The following OCLN variants were observed in gnomAD, a reference collection of about 807,000 sequenced individuals.
The protein encoded by OCLN is phosphatase 1, regulatory subunit 115.
In OCLN, 21 loss-of-function variants were observed where a neutral mutation model predicts 47.9. The observed-to-expected ratio is 0.44, with a 90% CI of 0.31 to 0.63. The LOEUF is 0.63. Among genes scored for constraint, OCLN ranks in the 30% least tolerant of loss-of-function variants. The pLI is 0.08. For synonymous variants in OCLN, 117 were observed against 198.4 expected, an observed-to-expected ratio of 0.59 and a Z score of 3.45; for missense variants, 360 against 571.0, an observed-to-expected ratio of 0.63 and a Z score of 3.77.
In OCLN at chr5:69,555,259, GTAT is replaced by G. The variant is rs1484116753; in HGVS notation, c.*1590_*1592del. 2 of 66,346 alleles carry G rather than the reference GTAT, an allele frequency of 3.0e-5. No individual in the cohort carries two copies. Among genetic ancestry groups the G allele is most frequent in the South Asian group, 4.7e-4 (1 of 2,144 alleles). The allele number at this position is 66,346 out of a possible 1,614,324, so 4.1% of individuals were successfully genotyped here. A position where few individuals can be genotyped will look rare whatever the true frequency, so the allele number is the denominator to read the frequency against. ...TAAGTGTGTGTGTGTGTGTGTGTGT[GTAT>G]TTTTTTTTTTTTTTTTTTGAGATGG... is the stretch of plus-strand genomic sequence containing the variant. On this transcript the variant is annotated 3_prime_UTR_variant, in exon 9 of 9. Transcript: ENST00000396442.
chr5:69,508,156 C>T lies in OCLN; in HGVS notation c.51-985C>T, dbSNP rs181085728. Among the ~76,000 whole-genome samples the T allele has an allele frequency of 2.0e-5, 3 of 152,198 alleles. No homozygotes were observed. In the East Asian group the frequency reaches 5.8e-4, roughly 29 times the overall value. On this transcript the variant is annotated intron_variant, in intron 2 of 8. Transcript: ENST00000396442. ...GTTCAAGGGATTCTTGATTTTCGTGCCTCAGCCTCCCAAGTAAGTGGGATT... is the reference window on the plus strand; with the variant it reads ...GTTCAAGGGATTCTTGATTTTCGTGTCTCAGCCTCCCAAGTAAGTGGGATT...
chr5:69,532,338 G>T (rs1048387136), intron 4 of OCLN, among the ~76,000 whole-genome samples: 1 of 152,054 alleles, frequency 6.6e-6, no homozygotes, highest in African/African-American at 2.4e-5. Context: ...AGTCTCAAGA[G>T]GTCTTCCCAT....
At chr5:69,499,157 C>A (rs1214082878) in intron 1 of OCLN, among the ~76,000 whole-genome samples, 1 of 152,136 alleles carries the variant, frequency 6.6e-6, no homozygotes, top group East Asian at 1.9e-4. Context: ...CCAGCCTCAA[C>A]TTCCTCTGCT....
chr5:69,528,162 C>A (rs1769333809), intron 4 of OCLN, among the ~76,000 whole-genome samples: 1 of 152,028 alleles, frequency 6.6e-6, no homozygotes, highest in African/African-American at 2.4e-5. Context: ...GGGGGAGTAT[C>A]TGAGGGTGTA....
At chr5:69,504,351 T>G (rs1301012810) in intron 2 of OCLN, 57 bp downstream of exon 2, 3 of 1,014,242 alleles carry the variant, frequency 3.0e-6, no homozygotes, top group Non-Finnish European at 4.7e-6. Context: ...ATGTAAACAA[T>G]AAGTATGGTT....
rs35107257 is a variant in OCLN, at chr5:69,509,789, G to A, written c.699G>A (p.Leu233=). 0.035 allele frequency: 55,924 copies of A among 1,613,784 alleles called. 1,166 individuals are homozygous for A. Among genetic ancestry groups the A allele is most frequent in the Non-Finnish European group, 0.041 (48,682 of 1,179,866 alleles). ...AATGLYVDQY[L]YHYCVVDPQE... ...CTGGACTCTACGTGGATCAGTATTT[G>A]TATCACTACTGTGTTGTGGATCCCC... Residue 233 remains leucine (L), a synonymous_variant, in exon 3 of 9, where the codon TTG becomes TTA. Transcript: ENST00000396442.
Position 69,516,264 on chromosome 5 carries a change from GC to G in OCLN, c.891+2156del, listed in dbSNP as rs566649154. On this transcript the variant is annotated intron_variant, in intron 4 of 8. Transcript: ENST00000396442. ...AATCCCGGCACCTTGGGAGGCCGAG[GC>G]TGGCGGATCAGTCGCAGTTCGGAGC... is the stretch of plus-strand genomic sequence containing the variant. Among the ~76,000 whole-genome samples, 29 of 152,382 alleles carry G rather than the reference GC, an allele frequency of 1.9e-4. No homozygotes were observed. In the South Asian group the frequency reaches 5.2e-3, roughly 27 times the overall value.
At chr5:69,519,743 T>C (rs1021251350) in intron 4 of OCLN, among the ~76,000 whole-genome samples, 1 of 152,180 alleles carries the variant, frequency 6.6e-6, no homozygotes, top group African/African-American at 2.4e-5. Context: ...ACTCAGGTGG[T>C]TGGTTCCGGG....
intron 4 of OCLN, among the ~76,000 whole-genome samples, chr5:69,520,876 C>CT (rs1417516813): frequency 6.6e-6 from 1 of 152,006 alleles, no homozygotes; most frequent in East Asian, 1.9e-4. Context: ...GAGATGGAGT[C>CT]TCGCTCTGTC....
chr5:69,513,429 T>C lies in OCLN; in HGVS notation c.730-519T>C, dbSNP rs906907081. Among the ~76,000 whole-genome samples, 4 of 152,332 alleles carry C rather than the reference T, an allele frequency of 2.6e-5. No individual in the cohort carries two copies. The East Asian group carries it at 7.7e-4, about 29-fold the overall frequency. Reference sequence around the variant, plus strand: ...CATGTCTTCATCATTTTTGGTAAGATAGAGATCTATGGACAGAAATTTACA... The same window carrying C: ...CATGTCTTCATCATTTTTGGTAAGACAGAGATCTATGGACAGAAATTTACA... On this transcript the variant is annotated intron_variant, in intron 3 of 8. Transcript: ENST00000396442.
At chr5:69,505,207 G>A (rs1162783300) in intron 2 of OCLN, among the ~76,000 whole-genome samples, 1 of 152,056 alleles carries the variant, frequency 6.6e-6, no homozygotes. Flanking sequence ...CTGAGATGGC[G>A]CCATTGCACT....
intron 7 of OCLN, among the ~76,000 whole-genome samples, chr5:69,548,317 T>G (rs1027991295): frequency 7.0e-6 from 1 of 142,936 alleles, no homozygotes; most frequent in Non-Finnish European, 1.5e-5. Flanking sequence ...ACTATTCTGT[T>G]TTTTTTTTTT....
intron 1 of OCLN, among the ~76,000 whole-genome samples, chr5:69,503,862 ACTTT>A (rs1169839343): frequency 6.6e-6 from 1 of 152,188 alleles, no homozygotes. Flanking sequence ...CTATATGTGC[ACTTT>A]CTTATACATT....
rs60505522 is a variant in OCLN, at chr5:69,522,894, C to CTTTTTTTTTTT, written c.891+8787_891+8797dup. Reference sequence around the variant, plus strand: ...GACATGTGCCGCTATGCCTGGCTGACTTTTTTTTTTTTAAAGTAGAGACAG... The same window carrying CTTTTTTTTTTT: ...GACATGTGCCGCTATGCCTGGCTGACTTTTTTTTTTTTTTTTTTTTTTTAAAGTAGAGACAG... On this transcript the variant is annotated intron_variant, in intron 4 of 8. Coordinates refer to ENST00000396442, the MANE Select transcript of OCLN (RefSeq NM_001205254.2). Among the ~76,000 whole-genome samples the CTTTTTTTTTTT allele has an allele frequency of 2.7e-4, 32 of 116,860 alleles. 7 individuals are homozygous for CTTTTTTTTTTT. Among genetic ancestry groups the CTTTTTTTTTTT allele is most frequent in the Non-Finnish European group, 3.3e-4 (20 of 60,102 alleles). 76.7% of individuals were successfully genotyped at this position (116,860 alleles called of 152,430 possible). A position where few individuals can be genotyped will look rare whatever the true frequency, so the allele number is the denominator to read the frequency against.
In OCLN at chr5:69,554,718, G is replaced by C. The variant is rs1170586402; in HGVS notation, c.*1047G>C. On this transcript the variant is annotated 3_prime_UTR_variant, in exon 9 of 9. Coordinates refer to ENST00000396442, the MANE Select transcript of OCLN (RefSeq NM_001205254.2). The stretch of plus-strand genomic sequence containing the variant: ...TGGCTGTAAGAATGCTGATATGTCT[G>C]GGAATAGAATGCTATACCACGAAAT... The C allele has an allele frequency of 1.3e-5, 2 of 151,644 alleles. No homozygotes were observed. The highest frequency in any genetic ancestry group is 2.9e-5 in the Non-Finnish European group (2 of 67,920). 9.4% of individuals were successfully genotyped at this position (151,644 alleles called of 1,614,324 possible). A position where few individuals can be genotyped will look rare whatever the true frequency, so the allele number is the denominator to read the frequency against.
intron 3 of OCLN, among the ~76,000 whole-genome samples, chr5:69,513,232 T>C (rs1237608175): frequency 6.6e-6 from 1 of 152,182 alleles, no homozygotes; most frequent in Non-Finnish European, 1.5e-5. Context: ...TTCAAGTGCC[T>C]CCCAGGCCAA....
chr5:69,534,883 G>T lies in OCLN; in HGVS notation c.1037+44G>T, dbSNP rs761114575. On this transcript the variant is annotated intron_variant, in intron 5 of 8. Coordinates refer to ENST00000396442, the MANE Select transcript of OCLN (RefSeq NM_001205254.2). The stretch of plus-strand genomic sequence containing the variant: ...AGTTTGATAGACTGAGTGTAAAAAT[G>T]AGTATTTGCATATAATTGGTTTTTG... The T allele has an allele frequency of 2.6e-6, 4 of 1,550,918 alleles. 1 individual carries two copies. In the African/African-American group the frequency reaches 5.2e-5, roughly 20 times the overall value.
At chr5:69,528,034 C>A (rs1470398586) in intron 4 of OCLN, among the ~76,000 whole-genome samples, 1 of 152,158 alleles carries the variant, frequency 6.6e-6, no homozygotes, top group Non-Finnish European at 1.5e-5. Context: ...CATGTTCAAA[C>A]CTGGTCCACG....
At chr5:69,494,286 C>T (rs1768230267) in intron 1 of OCLN, among the ~76,000 whole-genome samples, 1 of 152,182 alleles carries the variant, frequency 6.6e-6, no homozygotes, top group Non-Finnish European at 1.5e-5. Flanking sequence ...CTCCCGGGTT[C>T]AAGCGATTCT....
Sources: gnomAD v4.1 joint callset for allele counts (sites outside exome capture counted in the v4.1 genomes callset) on GRCh38, gnomAD v4.1.1 for gene constraint, MANE v1.5 for transcripts, NCBI Gene and HGNC (gene_info 2026-07-23, HGNC 2026-07-21) for gene names.